Variants in FRMPD4 observed in about 807,000 individuals in gnomAD.
FRMPD4 encodes the protein FERM and PDZ domain containing 4.
FRMPD4 carries 22 observed loss-of-function variants against 94.1 expected under a neutral mutation model. That is an observed-to-expected ratio of 0.23 (90% CI 0.17 to 0.33). FRMPD4 has a LOEUF of 0.33. FRMPD4 is among the 10% of genes least tolerant of loss of function. The pLI, the probability that FRMPD4 is intolerant of heterozygous loss-of-function variation, is 1.00. For synonymous variants in FRMPD4, 631 were observed against 548.6 expected, an observed-to-expected ratio of 1.15 and a Z score of -2.10; for missense variants, 1,111 against 1,339.9, an observed-to-expected ratio of 0.83 and a Z score of 2.67.
chrX:12,279,752 A>G (rs1486136863), intron 1 of FRMPD4, among the ~76,000 whole-genome samples: 2 of 110,719 alleles, frequency 1.8e-5, no homozygotes, highest in African/African-American at 6.6e-5. Context: ...TCCAGTCTCA[A>G]TGTCCTGGCG....
At position 12,463,681 on chromosome X, in the gene FRMPD4, G is replaced by GTTT. The variant is rs764684007; in HGVS notation, c.42-34991_42-34989dup. ...GGGTGCCTGTGCCTCCTATGTGTGT[G>GTTT]TTTTTTTTTTGTTTTTGTTTTTTTT... On this transcript the variant is annotated intron_variant, in intron 1 of 16. Transcript: ENST00000675598. 4.1e-3 allele frequency among the ~76,000 whole-genome samples: 207 copies of GTTT among 51,011 alleles called. 17 individuals are homozygous for GTTT. Among genetic ancestry groups the GTTT allele is most frequent in the African/African-American group, 7.4e-3 (86 of 11,576 alleles). The allele number at this position is 51,011 out of a possible 115,157, so 44.3% of individuals were successfully genotyped here.
At position 12,716,851 on chromosome X, in the gene FRMPD4, T is replaced by A; in HGVS notation, c.2392T>A (p.Phe798Ile). 1 of 1,211,802 alleles carries A rather than the reference T, an allele frequency of 8.3e-7. No individual in the cohort carries two copies. The highest frequency in any genetic ancestry group is 1.1e-6 in the Non-Finnish European group (1 of 895,432). ...PPEGDDNEDD[F>I]LLRSLNMAIA... is the part of the protein sequence containing the mutation. ...AGAAGGTGATGACAATGAGGATGAC[T>A]TCCTGTTGCGTTCCTTGAACATGGC... Residue 798 changes from phenylalanine to isoleucine, a missense_variant, in exon 15 of 17, where the codon TTC (phenylalanine) becomes ATC (isoleucine). Phe to Ile is a conservative substitution (Grantham distance 21, BLOSUM62 0). Coordinates refer to ENST00000675598, the MANE Select transcript of FRMPD4 (RefSeq NM_001368397.1).
Position 12,723,680 on chromosome X carries a change from G to A in FRMPD4, c.*1822G>A, listed in dbSNP as rs892112493. 1 of 111,352 alleles carries A rather than the reference G, an allele frequency of 9.0e-6. No individual in the cohort carries two copies. The highest frequency in any genetic ancestry group is 1.9e-5 in the Non-Finnish European group (1 of 53,077). 9.2% of individuals were successfully genotyped at this position (111,352 alleles called of 1,213,427 possible). ...GGATGTGTGCCCTATGTCAGACAGT[G>A]TGCTAAGCATATTAACTATATTATC... On this transcript the variant is annotated 3_prime_UTR_variant, in exon 17 of 17. Transcript: ENST00000675598.
At chrX:12,580,666 G>A (rs753956165) in intron 2 of FRMPD4, among the ~76,000 whole-genome samples, 34 of 111,443 alleles carry the variant, frequency 3.1e-4, no homozygotes, top group African/African-American at 4.6e-4. Flanking sequence ...TGATATAGAC[G>A]TTGTGGCATA....
chrX:12,715,775 G>C (rs936664700), intron 14 of FRMPD4, among the ~76,000 whole-genome samples: 1 of 111,615 alleles, frequency 9.0e-6, no homozygotes, highest in Non-Finnish European at 1.9e-5. Flanking sequence ...TAGAACCAAG[G>C]GTCAGATGGA....
intron 3 of FRMPD4, among the ~76,000 whole-genome samples, chrX:11,977,594 C>T (rs970022146): frequency 3.6e-5 from 4 of 111,510 alleles, no homozygotes; most frequent in African/African-American, 1.3e-4. Context: ...AGAACATGTG[C>T]CCAAGGTGGT....
Position 12,718,190 on chromosome X carries a change from G to T in FRMPD4, c.3364G>T (p.Gly1122Trp). The T allele has an allele frequency of 8.3e-7, 1 of 1,211,352 alleles. No individual in the cohort carries two copies. Among genetic ancestry groups the T allele is most frequent in the Non-Finnish European group, 1.1e-6 (1 of 894,910 alleles). Residue 1122 changes from glycine (G) to tryptophan (W), a missense_variant, in exon 16 of 17, where the codon GGG becomes TGG. Gly to Trp is a radical substitution (Grantham distance 184, BLOSUM62 -2). Transcript: ENST00000675598. ...AACCTTTCCAAGAGCTTCTGGTCTTGGGGCAAGGGAGGCCGAAGGGAAGGA... is the reference window on the plus strand; with the variant it reads ...AACCTTTCCAAGAGCTTCTGGTCTTTGGGCAAGGGAGGCCGAAGGGAAGGA... ...GKTFPRASGLGAREAEGKEEG... is the reference protein window; with the variant it reads ...GKTFPRASGLWAREAEGKEEG...
chrX:11,941,943 A>C (rs1336372488), intron 3 of FRMPD4, among the ~76,000 whole-genome samples: 2 of 111,975 alleles, frequency 1.8e-5, no homozygotes, highest in East Asian at 5.6e-4. Flanking sequence ...AGGCTTCTGG[A>C]AAGAACGTGC....
intron 1 of FRMPD4, among the ~76,000 whole-genome samples, chrX:12,469,490 A>G (rs1048938680): frequency 9.0e-6 from 1 of 111,575 alleles, no homozygotes; most frequent in Non-Finnish European, 1.9e-5. Flanking sequence ...AGCTTAGACA[A>G]TCCACCCACC....
At chrX:12,159,622 A>G (rs964977452) in intron 1 of FRMPD4, among the ~76,000 whole-genome samples, 2 of 111,788 alleles carry the variant, frequency 1.8e-5, no homozygotes, top group Non-Finnish European at 3.8e-5. Flanking sequence ...TATCTCTTTT[A>G]TGTTGGAGAA....
At position 11,873,868 on chromosome X, in the gene FRMPD4, G is replaced by C. The variant is rs1206386145; in HGVS notation, c.-29-4027G>C. Among the ~76,000 whole-genome samples, 7 of 111,253 alleles carry C rather than the reference G, an allele frequency of 6.3e-5. No individual in the cohort carries two copies. In the East Asian group the frequency reaches 1.7e-3, roughly 27 times the overall value. On this transcript the variant is annotated intron_variant, in intron 2 of 18. Transcript: ENST00000640291. Reference sequence around the variant, plus strand: ...GCTACAGTTACCAAAACTTATCTGTGAAAAGTCAGGCATATAGGTAATGGA... The same window carrying C: ...GCTACAGTTACCAAAACTTATCTGTCAAAAGTCAGGCATATAGGTAATGGA...
intron 3 of FRMPD4, among the ~76,000 whole-genome samples, chrX:11,891,973 A>C (rs193285729): frequency 9.8e-5 from 11 of 112,366 alleles, no homozygotes; most frequent in Non-Finnish European, 1.3e-4. Context: ...AAGTGAACAA[A>C]TTCTCAAATA....
rs373019646 is a variant in FRMPD4, at chrX:12,584,028, C to T, written c.159-25693C>T. Among the ~76,000 whole-genome samples the T allele has an allele frequency of 4.5e-5, 5 of 111,643 alleles. No individual in the cohort carries two copies. In the South Asian group the frequency reaches 1.1e-3, roughly 25 times the overall value. On this transcript the variant is annotated intron_variant, in intron 2 of 16. Coordinates refer to ENST00000675598, the MANE Select transcript of FRMPD4 (RefSeq NM_001368397.1). ...ACTTTGCTGGCAACCTGGGCAACGTCCTGGGAACTCTGGAGGAACTCCTGC... is the reference window on the plus strand; with the variant it reads ...ACTTTGCTGGCAACCTGGGCAACGTTCTGGGAACTCTGGAGGAACTCCTGC...
At chrX:12,665,010 T>C (rs1347201459) in intron 4 of FRMPD4, among the ~76,000 whole-genome samples, 1 of 112,154 alleles carries the variant, frequency 8.9e-6, no homozygotes, top group Non-Finnish European at 1.9e-5. Context: ...GATAGTATTC[T>C]CTGATGGTAG....
At chrX:12,394,651 G>A (rs1187566937) in intron 1 of FRMPD4, among the ~76,000 whole-genome samples, 1 of 110,184 alleles carries the variant, frequency 9.1e-6, no homozygotes, top group Admixed American at 9.7e-5. Flanking sequence ...TCCTTCACCC[G>A]CCTCCCTCCC....
intron 1 of FRMPD4, among the ~76,000 whole-genome samples, chrX:12,326,325 C>T: frequency 8.9e-6 from 1 of 111,934 alleles, no homozygotes; most frequent in Non-Finnish European, 1.9e-5. Context: ...TGATGGGCCA[C>T]TGAGGAGTTG....
chrX:12,176,070 G>T (rs939786279), intron 1 of FRMPD4, among the ~76,000 whole-genome samples: 2 of 111,940 alleles, frequency 1.8e-5, no homozygotes, highest in African/African-American at 6.5e-5. Context: ...CCAATTTCAA[G>T]CTACTAATAT....
intron 3 of FRMPD4, among the ~76,000 whole-genome samples, chrX:11,913,535 C>T (rs768000690): frequency 8.9e-6 from 1 of 111,991 alleles, no homozygotes; most frequent in Admixed American, 9.5e-5. Context: ...ATAGTCTTTG[C>T]TCCTCTGTGG....
chrX:12,484,576 C>T (rs721047), intron 1 of FRMPD4, among the ~76,000 whole-genome samples: 39,342 of 110,716 alleles, frequency 0.36, 6,363 homozygotes, highest in African/African-American at 0.64. Context: ...GTTACAGGTA[C>T]AATCAGATGT....
Sources: gnomAD v4.1 joint callset for allele counts (sites outside exome capture counted in the v4.1 genomes callset) on GRCh38, gnomAD v4.1.1 for gene constraint, MANE v1.5 for transcripts, NCBI Gene and HGNC (gene_info 2026-07-23, HGNC 2026-07-21) for gene names.